Variants in HS6ST1 observed in about 807,000 individuals in gnomAD.
HS6ST1 encodes the protein heparan-sulfate 6-O-sulfotransferase 1.
A neutral mutation model predicts 25.2 loss-of-function variants in HS6ST1; 3 were observed. The observed-to-expected ratio is 0.12, with a 90% CI of 0.05 to 0.31. The LOEUF is 0.31. HS6ST1 is among the 10% of genes least tolerant of loss of function. The probability of loss-of-function intolerance (pLI) is 1.00; values close to 1 mark genes in which losing one functional copy is unlikely to be tolerated. For missense variants in HS6ST1, 310 were observed against 609.6 expected, an observed-to-expected ratio of 0.51 and a Z score of 5.18; for synonymous variants, 204 against 275.1, an observed-to-expected ratio of 0.74 and a Z score of 2.56.
In HS6ST1 at chr2:128,268,479, T is replaced by A; in HGVS notation, c.919A>T (p.Thr307Ser). 1.2e-6 allele frequency: 2 copies of A among 1,613,196 alleles called. No individual in the cohort carries two copies. Among genetic ancestry groups the A allele is most frequent in the Non-Finnish European group, 1.7e-6 (2 of 1,179,748 alleles). ...QRKTQYLFER[T>S]FNLKFIRPFM... is the part of the protein sequence containing the mutation. ...GGCCGGATGAACTTGAGGTTGAACG[T>A]CCGCTCGAACAGGTACTGCGTCTTG... is the stretch of plus-strand genomic sequence containing the variant. Residue 307 changes from threonine to serine, a missense_variant, in exon 2 of 2, where the codon ACG becomes TCG. Coordinates refer to ENST00000259241, the MANE Select transcript of HS6ST1 (RefSeq NM_004807.3).
chr2:128,310,349 G>A (rs1445598867), intron 1 of HS6ST1, among the ~76,000 whole-genome samples: 1 of 152,242 alleles, frequency 6.6e-6, no homozygotes, highest in Non-Finnish European at 1.5e-5. Flanking sequence ...ACCACACGCT[G>A]TGTGAGTCAA....
chr2:128,315,775 T>C (rs1431775175), intron 1 of HS6ST1, among the ~76,000 whole-genome samples: 1 of 152,190 alleles, frequency 6.6e-6, no homozygotes, highest in Non-Finnish European at 1.5e-5. Context: ...TCAGTGCAGC[T>C]TGGCCCTGCG....
At chr2:128,291,199 C>A (rs1693946307) in intron 1 of HS6ST1, among the ~76,000 whole-genome samples, 1 of 150,784 alleles carries the variant, frequency 6.6e-6, no homozygotes, top group Middle Eastern at 3.4e-3. Flanking sequence ...AGTCCCCTTG[C>A]CTGTCCTTCT....
At chr2:128,304,934 T>C (rs1272524954) in intron 1 of HS6ST1, among the ~76,000 whole-genome samples, 1 of 152,202 alleles carries the variant, frequency 6.6e-6, no homozygotes. Context: ...CCTGGCTCTG[T>C]GGCAACCCAT....
intron 1 of HS6ST1, among the ~76,000 whole-genome samples, chr2:128,274,963 C>CAAAAAA (rs56898137): frequency 2.0e-5 from 1 of 51,238 alleles, no homozygotes; most frequent in Non-Finnish European, 3.7e-5. Context: ...GACTCCGTCT[C>CAAAAAA]AAAAAAAAAA....
chr2:128,286,755 C>T (rs559046807), intron 1 of HS6ST1, among the ~76,000 whole-genome samples: 28 of 152,348 alleles, frequency 1.8e-4, no homozygotes, highest in African/African-American at 3.6e-4. Context: ...CGTCTGCAAG[C>T]GGGTGAAAAT....
chr2:128,267,354 A>C lies in HS6ST1; in HGVS notation c.*808T>G, dbSNP rs1220153259. The C allele has an allele frequency of 6.6e-6, 1 of 152,322 alleles. No individual in the cohort carries two copies. The highest frequency in any genetic ancestry group is 1.5e-5 in the Non-Finnish European group (1 of 68,128). 9.4% of individuals were successfully genotyped at this position (152,322 alleles called of 1,614,324 possible). Reference sequence around the variant, plus strand: ...CCAAGGGCCAGCCGCGGACTCACGCACAAGTGGCAGCATCCCTGGCCAAAG... The same window carrying C: ...CCAAGGGCCAGCCGCGGACTCACGCCCAAGTGGCAGCATCCCTGGCCAAAG... On this transcript the variant is annotated 3_prime_UTR_variant, in exon 2 of 2. Transcript: ENST00000259241.
Position 128,265,627 on chromosome 2 carries a change from G to A in HS6ST1, c.*2535C>T, listed in dbSNP as rs1425598510. ...CTTCAACACTTTTTTTTAAGAAGAA[G>A]CTATAAATAAATAAAGCTTTAAACA... On this transcript the variant is annotated 3_prime_UTR_variant, in exon 2 of 2. Transcript: ENST00000259241. The A allele has an allele frequency of 1.3e-5, 2 of 152,206 alleles. No homozygotes were observed. Among genetic ancestry groups the A allele is most frequent in the African/African-American group, 4.8e-5 (2 of 41,444 alleles). 9.4% of individuals were successfully genotyped at this position (152,206 alleles called of 1,614,324 possible). A position where few individuals can be genotyped will look rare whatever the true frequency, so the allele number is the denominator to read the frequency against.
At chr2:128,274,562 G>GAACAAACA (rs55681109) in intron 1 of HS6ST1, among the ~76,000 whole-genome samples, 2 of 151,606 alleles carry the variant, frequency 1.3e-5, no homozygotes, top group Non-Finnish European at 2.9e-5. Context: ...AGAAAAAACA[G>GAACAAACA]AACAAACAAA....
intron 1 of HS6ST1, among the ~76,000 whole-genome samples, chr2:128,273,900 G>T (rs557379008): frequency 6.6e-6 from 1 of 152,162 alleles, no homozygotes; most frequent in Non-Finnish European, 1.5e-5. Context: ...GTGCTCTCTG[G>T]AGGTGCCAAG....
Position 128,284,254 on chromosome 2 carries a change from G to A in HS6ST1, c.528-15384C>T, listed in dbSNP as rs1218909236. 3.3e-5 allele frequency among the ~76,000 whole-genome samples: 5 copies of A among 152,106 alleles called. No homozygotes were observed. In the South Asian group the frequency reaches 6.2e-4, roughly 19 times the overall value. On this transcript the variant is annotated intron_variant, in intron 1 of 1. Transcript: ENST00000259241. ...TCTCGGCTCCACCCTCCGATGGCCC[G>A]TGCCCAGGTTGCCAACACAGGCACC...
At position 128,265,565 on chromosome 2, in the gene HS6ST1, A is replaced by G. The variant is rs1255782090; in HGVS notation, c.*2597T>C. The G allele has an allele frequency of 6.6e-6, 1 of 152,264 alleles. No individual in the cohort carries two copies. The allele number at this position is 152,264 out of a possible 1,614,324, so 9.4% of individuals were successfully genotyped here. A position where few individuals can be genotyped will look rare whatever the true frequency, so the allele number is the denominator to read the frequency against. Reference sequence around the variant, plus strand: ...GATGATTATGACTTGCTTTTCCATCATCAACTCATTTTTTTGTATGAATAA... The same window carrying G: ...GATGATTATGACTTGCTTTTCCATCGTCAACTCATTTTTTTGTATGAATAA... On this transcript the variant is annotated 3_prime_UTR_variant, in exon 2 of 2. Transcript: ENST00000259241.
At chr2:128,269,102 G>A (rs1466490734) in intron 1 of HS6ST1, among the ~76,000 whole-genome samples, 1 of 152,244 alleles carries the variant, frequency 6.6e-6, no homozygotes, top group Non-Finnish European at 1.5e-5. Context: ...GCAGCGCCTG[G>A]CCTGGCTCCT....
At chr2:128,281,394 T>C (rs186373667) in intron 1 of HS6ST1, among the ~76,000 whole-genome samples, 1 of 152,108 alleles carries the variant, frequency 6.6e-6, no homozygotes, top group Admixed American at 6.5e-5. Context: ...GTGCAGAAAG[T>C]CCCTGAGGAG....
intron 1 of HS6ST1, among the ~76,000 whole-genome samples, chr2:128,288,911 C>G (rs1693907493): frequency 1.3e-5 from 2 of 152,100 alleles, no homozygotes. Context: ...GCTGACCCCA[C>G]AGCAACTCAT....
chr2:128,294,798 G>T (rs1276081573), intron 1 of HS6ST1, among the ~76,000 whole-genome samples: 1 of 151,994 alleles, frequency 6.6e-6, no homozygotes, highest in Non-Finnish European at 1.5e-5. Flanking sequence ...ACAAGGTACA[G>T]GGGTGTCAGC....
chr2:128,300,517 T>C lies in HS6ST1; in HGVS notation c.527+17520A>G, dbSNP rs140320489. On this transcript the variant is annotated intron_variant, in intron 1 of 1. Transcript: ENST00000259241. ...TGTGCACGGGGGTATCTCTGGGTTCTTGGGCCCTGAAGCTGAGCAGCTCCA... is the reference window on the plus strand; with the variant it reads ...TGTGCACGGGGGTATCTCTGGGTTCCTGGGCCCTGAAGCTGAGCAGCTCCA... 4.3e-3 allele frequency among the ~76,000 whole-genome samples: 653 copies of C among 152,302 alleles called. 5 individuals carry two copies. Among genetic ancestry groups the C allele is most frequent in the African/African-American group, 0.015 (618 of 41,574 alleles).
intron 1 of HS6ST1, among the ~76,000 whole-genome samples, chr2:128,288,004 T>C (rs757127941): frequency 1.4e-4 from 20 of 144,650 alleles, no homozygotes; most frequent in Non-Finnish European, 1.2e-4. Flanking sequence ...CACTCATACC[T>C]TGGGGTCAGG....
intron 1 of HS6ST1, among the ~76,000 whole-genome samples, chr2:128,295,794 A>G (rs1306067927): frequency 6.6e-6 from 1 of 152,258 alleles, no homozygotes. Flanking sequence ...ATGCAGAAAC[A>G]TCATTTGACA....
Sources: gnomAD v4.1 joint callset for allele counts (sites outside exome capture counted in the v4.1 genomes callset) on GRCh38, gnomAD v4.1.1 for gene constraint, MANE v1.5 for transcripts, NCBI Gene and HGNC (gene_info 2026-07-23, HGNC 2026-07-21) for gene names.